Variants in PDGFC observed in about 807,000 individuals in gnomAD.
PDGFC encodes the protein platelet derived growth factor C.
PDGFC carries 12 observed loss-of-function variants against 35.5 expected under a neutral mutation model. The observed-to-expected ratio is 0.34, with a 90% confidence interval of 0.22 to 0.55. The LOEUF (loss-of-function observed/expected upper bound fraction) is 0.55, where lower values mean the gene tolerates loss of function less well. PDGFC is among the 20% of genes least tolerant of loss of function. The probability of loss-of-function intolerance (pLI) is 0.91; values close to 1 mark genes in which losing one functional copy is unlikely to be tolerated. For synonymous variants in PDGFC, 159 were observed against 148.8 expected (o/e 1.07, Z -0.50); for missense variants, 322 against 412.4 (o/e 0.78, Z 1.90).
At chr4:156,934,337 A>C (rs967134309) in intron 1 of PDGFC, among the ~76,000 whole-genome samples, 4 of 152,214 alleles carry the variant, frequency 2.6e-5, no homozygotes, top group Non-Finnish European at 5.9e-5. Flanking sequence ...TTATATATCT[A>C]AACATAGAAA....
At chr4:156,903,126 T>TGTGTG (rs1730833568) in intron 1 of PDGFC, among the ~76,000 whole-genome samples, 1 of 91,180 alleles carries the variant, frequency 1.1e-5, no homozygotes, top group Non-Finnish European at 2.9e-5. Flanking sequence ...TGTGTGTGTG[T>TGTGTG]GTGTGTATAA....
Position 156,761,895 on chromosome 4 carries a change from A to G in PDGFC, c.*1195T>C, listed in dbSNP as rs1249979656. 6.6e-6 allele frequency: 1 copy of G among 152,644 alleles called. No individual in the cohort carries two copies. The highest frequency in any genetic ancestry group is 6.5e-5 in the Admixed American group (1 of 15,284). The allele number at this position is 152,644 out of a possible 1,614,324, so 9.5% of individuals were successfully genotyped here. On this transcript the variant is annotated 3_prime_UTR_variant, in exon 6 of 6. Coordinates refer to ENST00000502773, the MANE Select transcript of PDGFC (RefSeq NM_016205.3). ...ATGTGTTCCTACTGCACAGCACAGC[A>G]CGCTTTATCAGGAAGCTGCCAAGTC... is the stretch of plus-strand genomic sequence containing the variant.
chr4:156,889,598 C>T (rs879614663), intron 1 of PDGFC, among the ~76,000 whole-genome samples: 1 of 152,198 alleles, frequency 6.6e-6, no homozygotes, highest in African/African-American at 2.4e-5. Flanking sequence ...ACATACAAAA[C>T]TTGAACCTTT....
intron 2 of PDGFC, chr4:156,835,993 C>T (rs373023436): frequency 2.6e-5 from 4 of 152,134 alleles, no homozygotes; most frequent in African/African-American, 7.2e-5. Flanking sequence ...ACATAAACCT[C>T]GGTGTACTGA....
At chr4:156,875,512 A>C (rs1271217980) in intron 1 of PDGFC, among the ~76,000 whole-genome samples, 1 of 152,192 alleles carries the variant, frequency 6.6e-6, no homozygotes, top group Admixed American at 6.5e-5. Flanking sequence ...ATGTCTCTTC[A>C]TTCAAGCAAG....
chr4:156,970,755 CAAGCAGGGGGAG>C lies in PDGFC; in HGVS notation c.118+19_118+30del, dbSNP rs1732572264. 3 of 1,342,424 alleles carry C rather than the reference CAAGCAGGGGGAG, an allele frequency of 2.2e-6. No homozygotes were observed. Among genetic ancestry groups the C allele is most frequent in the South Asian group, 2.3e-5 (2 of 85,450 alleles). 83.2% of individuals were successfully genotyped at this position (1,342,424 alleles called of 1,614,324 possible). A position where few individuals can be genotyped will look rare whatever the true frequency, so the allele number is the denominator to read the frequency against. ...CAACGTTAACACACACAGCGAGAAA[CAAGCAGGGGGAG>C]AATGGGGGAAAGACTCACCGTTCTG... On this transcript the variant is annotated intron_variant, in intron 1 of 5. Transcript: ENST00000502773.
At chr4:156,878,075 C>A (rs887949447) in intron 1 of PDGFC, among the ~76,000 whole-genome samples, 56 of 152,188 alleles carry the variant, frequency 3.7e-4, no homozygotes, top group African/African-American at 1.2e-3. Flanking sequence ...TACCACCATG[C>A]CCCAAGGCAT....
intron 1 of PDGFC, among the ~76,000 whole-genome samples, chr4:156,966,079 G>C (rs761268052): frequency 3.3e-5 from 5 of 152,238 alleles, no homozygotes; most frequent in Non-Finnish European, 7.4e-5. Flanking sequence ...TTGGTAATCA[G>C]TATGGAACTA....
At chr4:156,911,732 G>T (rs114010215) in intron 1 of PDGFC, among the ~76,000 whole-genome samples, 275 of 152,220 alleles carry the variant, frequency 1.8e-3, no homozygotes, top group African/African-American at 5.8e-3. Flanking sequence ...TTTGATTCCA[G>T]AATTAATTCC....
intron 1 of PDGFC, among the ~76,000 whole-genome samples, chr4:156,922,380 T>C (rs945917818): frequency 3.3e-5 from 5 of 152,196 alleles, no homozygotes; most frequent in African/African-American, 1.2e-4. Flanking sequence ...TAGCAGGCAT[T>C]GAGAATATAA....
intron 1 of PDGFC, among the ~76,000 whole-genome samples, chr4:156,907,589 G>T (rs571597287): frequency 6.6e-6 from 1 of 152,172 alleles, no homozygotes; most frequent in Non-Finnish European, 1.5e-5. Context: ...CTTCGAGGGA[G>T]TTGGGACCTT....
At chr4:156,765,891 C>T (rs1193464031) in intron 5 of PDGFC, among the ~76,000 whole-genome samples, 1 of 152,058 alleles carries the variant, frequency 6.6e-6, no homozygotes, top group East Asian at 1.9e-4. Context: ...AATTGCCAGG[C>T]TTAATTCTAA....
intron 3 of PDGFC, among the ~76,000 whole-genome samples, chr4:156,776,945 A>T (rs955293949): frequency 1.3e-5 from 2 of 152,178 alleles, no homozygotes; most frequent in Non-Finnish European, 2.9e-5. Context: ...TAATTATCAG[A>T]TACAAGAGGG....
intron 1 of PDGFC, among the ~76,000 whole-genome samples, chr4:156,865,285 A>G (rs996458987): frequency 2.0e-5 from 3 of 151,996 alleles, no homozygotes; most frequent in Non-Finnish European, 4.4e-5. Flanking sequence ...TTCCAACGTA[A>G]CTCTATAAAA....
intron 1 of PDGFC, among the ~76,000 whole-genome samples, chr4:156,961,252 TGAC>T (rs1732336400): frequency 6.6e-6 from 1 of 152,118 alleles, no homozygotes; most frequent in Non-Finnish European, 1.5e-5. Flanking sequence ...TAAATAATTA[TGAC>T]TACTTAAAAG....
chr4:156,834,851 A>C (rs866858264), intron 2 of PDGFC, among the ~76,000 whole-genome samples: 11 of 152,270 alleles, frequency 7.2e-5, no homozygotes, highest in South Asian at 2.1e-4. Flanking sequence ...ATGTTGAATC[A>C]AAAGAATAGT....
intron 2 of PDGFC, among the ~76,000 whole-genome samples, chr4:156,821,548 A>C (rs1321971194): frequency 6.6e-6 from 1 of 151,506 alleles, no homozygotes; most frequent in Non-Finnish European, 1.5e-5. Flanking sequence ...ACGTATATTT[A>C]TTTTATTTTA....
intron 1 of PDGFC, among the ~76,000 whole-genome samples, chr4:156,926,547 T>A (rs186871778): frequency 2.2e-4 from 33 of 152,302 alleles, no homozygotes; most frequent in African/African-American, 6.3e-4. Context: ...TGGGGGTAAT[T>A]GGCCAAAACA....
intron 1 of PDGFC, among the ~76,000 whole-genome samples, chr4:156,957,642 G>T (rs540538814): frequency 6.6e-6 from 1 of 151,884 alleles, no homozygotes; most frequent in South Asian, 2.1e-4. Flanking sequence ...TTTCTGTCTT[G>T]TATGTGCCAT....
Sources: gnomAD v4.1 joint callset for allele counts (sites outside exome capture counted in the v4.1 genomes callset) on GRCh38, gnomAD v4.1.1 for gene constraint, MANE v1.5 for transcripts, NCBI Gene and HGNC (gene_info 2026-07-23, HGNC 2026-07-21) for gene names.